TCF7L1: variants seen among roughly 807,000 people sequenced by gnomAD.
TCF7L1 encodes transcription factor 7-like 1.
Under a neutral mutation model 63.7 loss-of-function variants are expected in TCF7L1, and 18 were observed. That is an observed-to-expected ratio of 0.28 (90% CI 0.20 to 0.42). TCF7L1 has a LOEUF of 0.42. Ranked by LOEUF, TCF7L1 falls within the 10% of genes least tolerant of loss-of-function variation. The pLI, the probability that TCF7L1 is intolerant of heterozygous loss-of-function variation, is 1.00. For missense variants in TCF7L1, 654 were observed against 779.3 expected, an observed-to-expected ratio of 0.84 and a Z score of 1.91; for synonymous variants, 355 against 340.9, an observed-to-expected ratio of 1.04 and a Z score of -0.46.
chr2:85,277,939 C>T (rs938999286), intron 3 of TCF7L1, among the ~76,000 whole-genome samples: 1 of 152,250 alleles, frequency 6.6e-6, no homozygotes, highest in East Asian at 1.9e-4. Flanking sequence ...TGGGGCGGGG[C>T]CCTCCCTACC....
chr2:85,247,836 G>A (rs757484866), intron 3 of TCF7L1, among the ~76,000 whole-genome samples: 6 of 152,132 alleles, frequency 3.9e-5, no homozygotes, highest in Non-Finnish European at 5.9e-5. Flanking sequence ...TAAAATCACC[G>A]TATTTATGTG....
At chr2:85,236,171 C>CA (rs981765998) in intron 3 of TCF7L1, among the ~76,000 whole-genome samples, 3 of 132,532 alleles carry the variant, frequency 2.3e-5, no homozygotes, top group African/African-American at 8.4e-5. Context: ...CCATCCCCCC[C>CA]CCAAAAAAAA....
intron 3 of TCF7L1, among the ~76,000 whole-genome samples, chr2:85,249,175 C>T (rs990804544): frequency 3.9e-5 from 6 of 152,208 alleles, no homozygotes; most frequent in African/African-American, 1.4e-4. Flanking sequence ...CAGTTTTTCT[C>T]TGTGTGCTGA....
At chr2:85,307,847 C>A in intron 11 of TCF7L1, 130 bp downstream of exon 11, 2 of 769,760 alleles carry the variant, frequency 2.6e-6, no homozygotes, top group Non-Finnish European at 2.1e-6. Context: ...ATTATTACCC[C>A]TTTCTCGAGG....
At chr2:85,187,073 C>G (rs145801341) in intron 3 of TCF7L1, 1 of 152,338 alleles carries the variant, frequency 6.6e-6, no homozygotes, top group African/African-American at 2.4e-5. Context: ...TTTGGAAGAA[C>G]TGACCTTATT....
At chr2:85,295,775 C>CATTTACT (rs1298988224) in intron 4 of TCF7L1, among the ~76,000 whole-genome samples, 1 of 100,884 alleles carries the variant, frequency 9.9e-6, no homozygotes, top group Non-Finnish European at 1.8e-5. Context: ...GTAACATTTA[C>CATTTACT]TTTTTTTTTT....
chr2:85,235,498 C>A (rs899581149), intron 3 of TCF7L1, among the ~76,000 whole-genome samples: 2 of 151,886 alleles, frequency 1.3e-5, no homozygotes, highest in Non-Finnish European at 2.9e-5. Context: ...AGCCCCACCC[C>A]CTAGGCTCAG....
chr2:85,154,207 G>A (rs1280409511), intron 3 of TCF7L1, among the ~76,000 whole-genome samples: 1 of 152,186 alleles, frequency 6.6e-6, no homozygotes, highest in Non-Finnish European at 1.5e-5. Flanking sequence ...ATAGGCCTGT[G>A]CCAAGGAAAA....
rs1395816737 is a variant in TCF7L1, at chr2:85,134,073, G to A, written c.307G>A (p.Ala103Thr). Reference protein sequence around the residue: ...DTFQKPRDYFAEVRRPQDSAF... With the variant: ...DTFQKPRDYFTEVRRPQDSAF... ...TTTCCAGAAGCCGCGGGACTATTTC[G>A]CCGAAGGTATGTGCCCGCTGGGACA... Residue 103 changes from alanine (A) to threonine (T), a missense_variant, in exon 2 of 12, where the codon GCC (alanine) becomes ACC (threonine). Physicochemically the swap from Ala to Thr is moderately conservative, Grantham distance 58. Transcript: ENST00000282111. The surrounding 1 kb of genome is among the most constrained non-coding windows in gnomAD (Gnocchi z 5.0). The A allele has an allele frequency of 3.7e-6, 6 of 1,609,808 alleles. No individual in the cohort carries two copies. In the African/African-American group the frequency reaches 6.7e-5, roughly 18 times the overall value.
chr2:85,255,740 C>G (rs1680700856), intron 3 of TCF7L1, among the ~76,000 whole-genome samples: 1 of 152,168 alleles, frequency 6.6e-6, no homozygotes, highest in Non-Finnish European at 1.5e-5. Flanking sequence ...CTTCTGGTTG[C>G]TGTAGGCCTG....
In TCF7L1 at chr2:85,292,954, C is replaced by T. The variant is rs182075432; in HGVS notation, c.525+9376C>T. Among the ~76,000 whole-genome samples, 10 of 152,330 alleles carry T rather than the reference C, an allele frequency of 6.6e-5. No homozygotes were observed. The East Asian group carries it at 1.9e-3, about 29-fold the overall frequency. ...ACATTAGTAAACATTTCTTTTTCCA[C>T]TGATGGACCTGTGGGTCACTTGGAG... On this transcript the variant is annotated intron_variant, in intron 4 of 11. Coordinates refer to ENST00000282111, the MANE Select transcript of TCF7L1 (RefSeq NM_031283.3).
Position 85,240,203 on chromosome 2 carries a change from G to A in TCF7L1, c.442-43292G>A, listed in dbSNP as rs139424393. ...GTGGCCACTGCACTGCATGGACCAC[G>A]TTGCACAGAGCAGCTCTGGGAGCCT... On this transcript the variant is annotated intron_variant, in intron 3 of 11. Transcript: ENST00000282111. Among the ~76,000 whole-genome samples, 435 of 152,298 alleles carry A rather than the reference G, an allele frequency of 2.9e-3. 1 individual carries two copies. Among genetic ancestry groups the A allele is most frequent in the African/African-American group, 0.01 (417 of 41,564 alleles).
At chr2:85,271,037 G>C (rs1428672888) in intron 3 of TCF7L1, among the ~76,000 whole-genome samples, 1 of 152,072 alleles carries the variant, frequency 6.6e-6, no homozygotes, top group African/African-American at 2.4e-5. Context: ...TGTACCCTTA[G>C]AGTTACAACA....
In TCF7L1 at chr2:85,138,863, G is replaced by A. The variant is rs561952261; in HGVS notation, c.441+4413G>A. ...ATGTGCAGTGTTACTAAAATAATTG[G>A]GAAATAAAAAAGAGTATAAATGATT... On this transcript the variant is annotated intron_variant, in intron 3 of 11. Transcript: ENST00000282111. Among the ~76,000 whole-genome samples the A allele has an allele frequency of 1.3e-4, 20 of 151,904 alleles. No individual in the cohort carries two copies. The East Asian group carries it at 3.9e-3, about 29-fold the overall frequency.
At chr2:85,267,649 CAAA>C (rs200180895) in intron 3 of TCF7L1, among the ~76,000 whole-genome samples, 8 of 98,568 alleles carry the variant, frequency 8.1e-5, no homozygotes, top group Admixed American at 1.1e-4. Context: ...GACTCTGTCT[CAAA>C]AAAAAAAAAA....
At chr2:85,188,090 C>T (rs1678966216) in intron 3 of TCF7L1, among the ~76,000 whole-genome samples, 4 of 151,956 alleles carry the variant, frequency 2.6e-5, no homozygotes, top group Admixed American at 6.6e-5. Context: ...AAAATTATAG[C>T]GAGGGGGAAC....
intron 3 of TCF7L1, among the ~76,000 whole-genome samples, chr2:85,142,450 G>A (rs1445425708): frequency 1.4e-4 from 6 of 41,540 alleles, no homozygotes; most frequent in Non-Finnish European, 4.5e-5. Context: ...GTGTGTGTGT[G>A]TGTGTGTGTG....
rs1166555165 is a variant in TCF7L1, at chr2:85,134,749, C to T, written c.441+299C>T. Reference sequence around the variant, plus strand: ...GCACCGAAGGAAACTTGGATTTGTGCCCGCTTTGGGGGGGTCTCGCTTTCC... The same window carrying T: ...GCACCGAAGGAAACTTGGATTTGTGTCCGCTTTGGGGGGGTCTCGCTTTCC... On this transcript the variant is annotated intron_variant, in intron 3 of 11. Transcript: ENST00000282111. This position sits in a 1 kb window ranked among gnomAD's most constrained non-coding sequence, Gnocchi z 5.0. Among the ~76,000 whole-genome samples the T allele has an allele frequency of 6.6e-6, 1 of 152,216 alleles. No homozygotes were observed. The highest frequency in any genetic ancestry group is 1.5e-5 in the Non-Finnish European group (1 of 68,046).
In TCF7L1 at chr2:85,134,255, G is replaced by T; in HGVS notation, c.314-68G>T. ...CGCTGGGGTCCCCAGCTCCCGCCTC[G>T]AGCCCCCTGCCGCGGCGCTGTCAGT... On this transcript the variant is annotated intron_variant, in intron 2 of 11. Coordinates refer to ENST00000282111, the MANE Select transcript of TCF7L1 (RefSeq NM_031283.3). The surrounding 1 kb of genome is among the most constrained non-coding windows in gnomAD (Gnocchi z 5.0). 2 of 1,490,428 alleles carry T rather than the reference G, an allele frequency of 1.3e-6. No individual in the cohort carries two copies. The highest frequency in any genetic ancestry group is 1.8e-6 in the Non-Finnish European group (2 of 1,119,242). The allele number at this position is 1,490,428 out of a possible 1,614,324, so 92.3% of individuals were successfully genotyped here. A position where few individuals can be genotyped will look rare whatever the true frequency, so the allele number is the denominator to read the frequency against.
Sources: allele counts gnomAD v4.1 joint callset (sites outside exome capture counted in the v4.1 genomes callset), GRCh38; gene constraint gnomAD v4.1.1; non-coding constraint Gnocchi (gnomAD v3.1); transcripts MANE v1.5; gene names NCBI Gene and HGNC (gene_info 2026-07-23, HGNC 2026-07-21).